Variants in ADAM32 observed in about 807,000 individuals in gnomAD.
ADAM32 encodes ADAM metallopeptidase domain 32.
ADAM32 carries 89 observed loss-of-function variants against 114.9 expected under a neutral mutation model. The ratio of observed to expected loss-of-function variants is 0.77; its 90% CI spans 0.65 to 0.92. The LOEUF is 0.92. Among genes scored for constraint, ADAM32 ranks in the 40% least tolerant of loss-of-function variants. The pLI, the probability that ADAM32 is intolerant of heterozygous loss-of-function variation, is 0.00. For synonymous variants in ADAM32, 285 were observed against 307.5 expected (o/e 0.93, Z 0.77); for missense variants, 870 against 932.8 (o/e 0.93, Z 0.88).
intron 11 of ADAM32, among the ~76,000 whole-genome samples, chr8:39,204,150 C>T (rs192733140): frequency 2.4e-4 from 36 of 152,300 alleles, no homozygotes; most frequent in Non-Finnish European, 4.7e-4. Flanking sequence ...GTGGCATTCT[C>T]TGTATTTCCT....
In ADAM32 at chr8:39,164,802, T is replaced by C; in HGVS notation, c.633T>C (p.Asn211=). 4 of 1,608,330 alleles carry C rather than the reference T, an allele frequency of 2.5e-6. No homozygotes were observed. The highest frequency in any genetic ancestry group is 3.4e-6 in the Non-Finnish European group (4 of 1,177,210). Residue 211 remains asparagine, a synonymous_variant, in exon 8 of 25, where the codon AAT becomes AAC. Coordinates refer to ENST00000379907, the MANE Select transcript of ADAM32 (RefSeq NM_145004.7). ...GCTCTGATAGCATGATAGTAACAAA[T>C]AAAGTCATCGAAATTGTTGGCCTTG... is the stretch of plus-strand genomic sequence containing the variant. The part of the protein sequence containing the change: ...YWGSDSMIVT[N]KVIEIVGLAN...
intron 11 of ADAM32, among the ~76,000 whole-genome samples, chr8:39,190,483 A>G (rs377014254): frequency 3.3e-5 from 5 of 152,214 alleles, no homozygotes; most frequent in Non-Finnish European, 7.3e-5. Flanking sequence ...ACTTCCTATC[A>G]TGGCTGTATG....
At chr8:39,171,076 G>T (rs942758057) in intron 10 of ADAM32, among the ~76,000 whole-genome samples, 1 of 152,052 alleles carries the variant, frequency 6.6e-6, no homozygotes, top group African/African-American at 2.4e-5. Context: ...TGAGATTACA[G>T]AGGTGACCCA....
At chr8:39,276,136 A>T (rs1048794158) in intron 22 of ADAM32, 8 of 351,014 alleles carry the variant, frequency 2.3e-5, no homozygotes, top group Non-Finnish European at 4.1e-5. Flanking sequence ...GAAATGTTTA[A>T]GGAGCTAATT....
At chr8:39,257,399 A>G in intron 19 of ADAM32, 56 bp downstream of exon 19, 1 of 1,570,964 alleles carries the variant, frequency 6.4e-7, no homozygotes, top group African/African-American at 1.4e-5. Flanking sequence ...ATCTAGTTAT[A>G]TGTAAGACAA....
At chr8:39,128,337 G>T (rs1802241070) in intron 2 of ADAM32, among the ~76,000 whole-genome samples, 1 of 152,104 alleles carries the variant, frequency 6.6e-6, no homozygotes, top group Non-Finnish European at 1.5e-5. Flanking sequence ...AACTAGGTTT[G>T]TAACCTCTGC....
chr8:39,200,814 A>G (rs1482927055), intron 11 of ADAM32, among the ~76,000 whole-genome samples: 2 of 152,282 alleles, frequency 1.3e-5, no homozygotes, highest in African/African-American at 2.4e-5. Flanking sequence ...GGTGTAAGGA[A>G]GGGATCCAGT....
At chr8:39,187,512 C>T (rs1465630442) in intron 11 of ADAM32, among the ~76,000 whole-genome samples, 1 of 152,042 alleles carries the variant, frequency 6.6e-6, no homozygotes, top group East Asian at 1.9e-4. Context: ...ACCTCATGAT[C>T]CGCCCGCCTC....
At chr8:39,275,778 A>T (rs1263663345) in intron 21 of ADAM32, 50 bp from the exon 22 acceptor site, 1 of 1,512,298 alleles carries the variant, frequency 6.6e-7, no homozygotes, top group African/African-American at 1.4e-5. Context: ...ATGGAGGCAC[A>T]TTTGTGTTAA....
intron 3 of ADAM32, among the ~76,000 whole-genome samples, chr8:39,142,127 A>G (rs1225706401): frequency 6.6e-6 from 1 of 152,234 alleles, no homozygotes; most frequent in Non-Finnish European, 1.5e-5. Context: ...TGAATACAGC[A>G]CACCGATGGG....
Position 39,107,754 on chromosome 8 carries a change from C to T in ADAM32, c.-22C>T, listed in dbSNP as rs1475573117. 6.5e-7 allele frequency: 1 copy of T among 1,550,310 alleles called. No homozygotes were observed. Among genetic ancestry groups the T allele is most frequent in the Non-Finnish European group, 8.7e-7 (1 of 1,146,622 alleles). ...TTCCCGACTTCCCAACGGCTTCCCGCTGGCAGCCCCGAAGCCGCACCATGT... is the reference window on the plus strand; with the variant it reads ...TTCCCGACTTCCCAACGGCTTCCCGTTGGCAGCCCCGAAGCCGCACCATGT... On this transcript the variant is annotated 5_prime_UTR_variant, in exon 1 of 25. Transcript: ENST00000379907.
rs554458404 is a variant in ADAM32 at position 39,278,249 on chromosome 8, A to G, written c.2279+2383A>G. ...GTCCAGCTGCCTCTCGTCTCTGCCA[A>G]CTGAGTCTGGGGTCTTTATAGGCAC... is the stretch of plus-strand genomic sequence containing the variant. On this transcript the variant is annotated intron_variant, in intron 22 of 24. Transcript: ENST00000379907. Among the ~76,000 whole-genome samples the G allele has an allele frequency of 3.3e-5, 5 of 152,110 alleles. No individual in the cohort carries two copies. In the South Asian group the frequency reaches 8.3e-4, roughly 25 times the overall value.
intron 6 of ADAM32, among the ~76,000 whole-genome samples, chr8:39,155,762 A>C (rs955723013): frequency 3.3e-5 from 5 of 151,728 alleles, no homozygotes; most frequent in African/African-American, 1.2e-4. Context: ...CTATTTCTCT[A>C]TTACTGCCTT....
At chr8:39,163,390 A>T (rs1804630980) in intron 7 of ADAM32, among the ~76,000 whole-genome samples, 1 of 152,186 alleles carries the variant, frequency 6.6e-6, no homozygotes, top group South Asian at 2.1e-4. Context: ...GGGGAGTGAC[A>T]TATTTCTATT....
At chr8:39,207,976 A>T (rs1807960637) in intron 11 of ADAM32, among the ~76,000 whole-genome samples, 1 of 152,154 alleles carries the variant, frequency 6.6e-6, no homozygotes, top group African/African-American at 2.4e-5. Context: ...TTATCTGTAG[A>T]TGGGCATTTA....
At chr8:39,118,941 A>G (rs1044550893) in intron 2 of ADAM32, among the ~76,000 whole-genome samples, 2 of 152,138 alleles carry the variant, frequency 1.3e-5, no homozygotes, top group East Asian at 1.9e-4. Context: ...GCAACCGCTG[A>G]TCTGTTGTCT....
At chr8:39,116,031 G>A (rs1165316907) in intron 1 of ADAM32, among the ~76,000 whole-genome samples, 1 of 152,174 alleles carries the variant, frequency 6.6e-6, no homozygotes, top group East Asian at 1.9e-4. Context: ...AACTGTCAAA[G>A]ATCAGATGGT....
intron 16 of ADAM32, among the ~76,000 whole-genome samples, chr8:39,240,052 T>C (rs6999436): frequency 0.054 from 8,182 of 152,236 alleles, 755 homozygotes; most frequent in African/African-American, 0.19. Context: ...ACACAGTACT[T>C]AAATTATACC....
intron 12 of ADAM32, among the ~76,000 whole-genome samples, chr8:39,217,005 A>C (rs1269656614): frequency 6.6e-6 from 1 of 151,898 alleles, no homozygotes; most frequent in Non-Finnish European, 1.5e-5. Flanking sequence ...TGATTAAATA[A>C]TTCCCTTGTA....
Sources: allele counts gnomAD v4.1 joint callset (sites outside exome capture counted in the v4.1 genomes callset), GRCh38; gene constraint gnomAD v4.1.1; transcripts MANE v1.5; gene names NCBI Gene and HGNC (gene_info 2026-07-23, HGNC 2026-07-21).